The following SPTA1 variants were observed in gnomAD, a reference collection of about 807,000 sequenced individuals.
SPTA1 encodes spectrin alpha chain, erythrocytic 1.
Under a neutral mutation model 324.7 loss-of-function variants are expected in SPTA1, and 177 were observed. The ratio of observed to expected loss-of-function variants is 0.55; its 90% CI spans 0.48 to 0.62. SPTA1 has a LOEUF of 0.62. Ranked by LOEUF, SPTA1 falls within the 20% of genes least tolerant of loss-of-function variation. The probability of loss-of-function intolerance (pLI) is 0.00; values close to 1 mark genes in which losing one functional copy is unlikely to be tolerated. For synonymous variants in SPTA1, 1,195 were observed against 1,041.3 expected, an observed-to-expected ratio of 1.15 and a Z score of -2.84; for missense variants, 3,162 against 2,883.6, an observed-to-expected ratio of 1.10 and a Z score of -2.21.
intron 8 of SPTA1, among the ~76,000 whole-genome samples, chr1:158,675,605 T>A (rs1439848714): frequency 6.6e-6 from 1 of 152,192 alleles, no homozygotes; most frequent in African/African-American, 2.4e-5. Context: ...TGATAGAGTT[T>A]GATTTATAAA....
At chr1:158,645,778 G>A (rs1032910453) in intron 27 of SPTA1, among the ~76,000 whole-genome samples, 184 bp from the exon 28 acceptor site, 1 of 152,114 alleles carries the variant, frequency 6.6e-6, no homozygotes, top group Non-Finnish European at 1.5e-5. Flanking sequence ...ACAATCCCTT[G>A]TATTTGAAAG....
At chr1:158,623,527 C>A (rs1650060476) in intron 42 of SPTA1, among the ~76,000 whole-genome samples, 3 of 152,090 alleles carry the variant, frequency 2.0e-5, no homozygotes, top group Non-Finnish European at 4.4e-5. Flanking sequence ...ATCATGTGGG[C>A]AGTTACTCTC....
At chr1:158,611,594 A>C in intron 51 of SPTA1, 1 of 522,070 alleles carries the variant, frequency 1.9e-6, no homozygotes, top group Non-Finnish European at 3.3e-6. Context: ...TTTCTTGAAA[A>C]AGAGAGCTTA....
At chr1:158,616,579 G>A (rs1241105316) in intron 47 of SPTA1, among the ~76,000 whole-genome samples, 2 of 152,132 alleles carry the variant, frequency 1.3e-5, no homozygotes, top group Non-Finnish European at 2.9e-5. Flanking sequence ...GAAAATGTCA[G>A]AATTTCATTT....
chr1:158,685,354 G>C lies in SPTA1; in HGVS notation c.25-7C>G. The C allele has an allele frequency of 6.2e-7, 1 of 1,612,586 alleles. No homozygotes were observed. The highest frequency in any genetic ancestry group is 8.5e-7 in the Non-Finnish European group (1 of 1,179,708). On this transcript the variant is annotated splice_polypyrimidine_tract_variant and splice_region_variant and intron_variant, in intron 1 of 51. Coordinates refer to ENST00000643759, the MANE Select transcript of SPTA1 (RefSeq NM_003126.4). ...GCCCACTGCTCTCCACAACCTGCAA[G>C]TTAAAAAGATTCTGTTACTTGCTAG... is the stretch of plus-strand genomic sequence containing the variant.
rs1654000820 is a variant in SPTA1, at chr1:158,671,257, G to A, written c.1599+86C>T. The A allele has an allele frequency of 5.4e-6, 5 of 920,498 alleles. No homozygotes were observed. The South Asian group carries it at 6.9e-5, about 13-fold the overall frequency. 57.0% of individuals were successfully genotyped at this position (920,498 alleles called of 1,614,324 possible). ...CCTCAGGCTATGTCTGGTAGTTACA[G>A]GAGCAATGCTGTCTGGGGACAGGTA... On this transcript the variant is annotated intron_variant, in intron 12 of 51. Transcript: ENST00000643759.
At position 158,636,710 on chromosome 1, in the gene SPTA1, C is replaced by G. The variant is rs2101808731; in HGVS notation, c.5241G>C (p.Gly1747=). The part of the protein sequence containing the change: ...SSQDYGRDLQ[G]VQNLLKKHKR... ...TGTGCTTCTTCAGCAAGTTCTGAAC[C>G]CCCTGAAGATCTCTCCCATAGTCCT... Residue 1747 remains glycine (G), a synonymous_variant, in exon 37 of 52, where the codon GGG becomes GGC. Coordinates refer to ENST00000643759, the MANE Select transcript of SPTA1 (RefSeq NM_003126.4). The G allele has an allele frequency of 1.2e-6, 2 of 1,614,120 alleles. No homozygotes were observed. The highest frequency in any genetic ancestry group is 1.7e-6 in the Non-Finnish European group (2 of 1,180,010).
In SPTA1 at chr1:158,645,576, G is replaced by A. The variant is rs1339923632; in HGVS notation, c.3915C>T (p.Ile1305=). The change falls in exon 28 of 52, where the codon ATC becomes ATT. Residue 1305 remains isoleucine, a synonymous_variant. Coordinates refer to ENST00000643759, the MANE Select transcript of SPTA1 (RefSeq NM_003126.4). The part of the protein sequence containing the change: ...LSKARDLQNW[I]SSIGGMVSSQ... ...ATGATACCATGCCACCAATGCTACTGATCCAGTTCTGCAGATCCCTAGATA... is the reference window on the plus strand; with the variant it reads ...ATGATACCATGCCACCAATGCTACTAATCCAGTTCTGCAGATCCCTAGATA... The A allele has an allele frequency of 1.2e-6, 2 of 1,613,816 alleles. No homozygotes were observed. The highest frequency in any genetic ancestry group is 2.7e-5 in the African/African-American group (2 of 74,886).
chr1:158,613,523 C>T (rs1171836480), intron 50 of SPTA1, among the ~76,000 whole-genome samples, 198 bp downstream of exon 50: 1 of 152,078 alleles, frequency 6.6e-6, no homozygotes, highest in East Asian at 1.9e-4. Context: ...AAAGCTAGTC[C>T]TCGAGTTAAA....
rs1437830374 is a variant in SPTA1, at chr1:158,676,147, G to A, written c.1106C>T (p.Thr369Ile). ...ATSRYEKLQA[T>I]YWYHRFSSDF... ...AAGGGGAGGGATTTCCCACCAATAA[G>A]TAGCCTGCAGTTTTTCATATCTGCT... Residue 369 changes from threonine (T) to isoleucine (I), a missense_variant, in exon 8 of 52, where the codon ACT becomes ATT. Transcript: ENST00000643759. 1.2e-6 allele frequency: 2 copies of A among 1,613,452 alleles called. No homozygotes were observed. The highest frequency in any genetic ancestry group is 2.2e-5 in the East Asian group (1 of 44,878).
rs1328256469 is a variant in SPTA1 at position 158,644,272 on chromosome 1, T to C, written c.4319A>G (p.Asp1440Gly). 1 of 1,613,800 alleles carries C rather than the reference T, an allele frequency of 6.2e-7. No individual in the cohort carries two copies. The highest frequency in any genetic ancestry group is 8.5e-7 in the Non-Finnish European group (1 of 1,179,900). The change falls in exon 30 of 52, where the codon GAC becomes GGC. Residue 1440 changes from aspartate to glycine, a missense_variant. Physicochemically the swap from Asp to Gly is moderately conservative, Grantham distance 94 (BLOSUM62 -1). Coordinates refer to ENST00000643759, the MANE Select transcript of SPTA1 (RefSeq NM_003126.4). The part of the protein sequence containing the change: ...EALMKKRDDL[D>G]KAITAQEGKI... The stretch of plus-strand genomic sequence containing the variant: ...TATTACCTGGGCAGTGATTGCTTTG[T>C]CCAAATCGTCCCGTTTCTTCATCAA...
chr1:158,618,747 T>G (rs1649727426), intron 45 of SPTA1, among the ~76,000 whole-genome samples: 1 of 152,210 alleles, frequency 6.6e-6, no homozygotes, highest in African/African-American at 2.4e-5. Context: ...TGCTTCTGGT[T>G]ATGCCAGTAA....
At chr1:158,653,239 A>T (rs759000472) in intron 22 of SPTA1, 35 bp downstream of exon 22, 1 of 1,613,960 alleles carries the variant, frequency 6.2e-7, no homozygotes, top group South Asian at 1.1e-5. Flanking sequence ...ATGTCTGACC[A>T]AATACTGTTC....
intron 12 of SPTA1, among the ~76,000 whole-genome samples, chr1:158,670,089 T>A (rs1653904199): frequency 6.6e-6 from 1 of 152,246 alleles, no homozygotes; most frequent in South Asian, 2.1e-4. Context: ...GCACTACCAA[T>A]GATATAGCCA....
chr1:158,614,788 C>G (rs892811598), intron 48 of SPTA1: 1 of 196,846 alleles, frequency 5.1e-6, no homozygotes, highest in Non-Finnish European at 1.0e-5. Context: ...GCTATTGAGA[C>G]CTAGAGCTGC....
intron 16 of SPTA1, among the ~76,000 whole-genome samples, chr1:158,665,781 T>A (rs1452141635): frequency 4.6e-5 from 7 of 152,198 alleles, no homozygotes. Context: ...ATTTTTAAGC[T>A]TTGAATCACA....
chr1:158,638,333 G>T, intron 35 of SPTA1, 92 bp from the exon 36 acceptor site: 1 of 1,249,528 alleles, frequency 8.0e-7, no homozygotes, highest in Non-Finnish European at 1.1e-6. Context: ...TCAAAGACTG[G>T]GCCAAATGGA....
Position 158,649,904 on chromosome 1 carries a change from T to G in SPTA1, c.3521A>C (p.Glu1174Ala). The G allele has an allele frequency of 1.2e-6, 2 of 1,613,918 alleles. No homozygotes were observed. Among genetic ancestry groups the G allele is most frequent in the Non-Finnish European group, 1.7e-6 (2 of 1,179,902 alleles). ...GGCACTGCCCAGCAGCTGCCGCTGTTCATCTGCAAGCCTCTGCAAAGAACC... is the reference window on the plus strand; with the variant it reads ...GGCACTGCCCAGCAGCTGCCGCTGTGCATCTGCAAGCCTCTGCAAAGAACC... ...RWGSLQRLAD[E>A]QRQLLGSAHA... The change falls in exon 25 of 52, where the codon GAA becomes GCA. Residue 1174 changes from glutamate (E) to alanine (A), a missense_variant. Glu to Ala is a moderately radical substitution (Grantham distance 107). Transcript: ENST00000643759.
At chr1:158,668,133 A>G in intron 14 of SPTA1, 71 bp from the exon 15 acceptor site, 1 of 1,498,298 alleles carries the variant, frequency 6.7e-7, no homozygotes, top group Non-Finnish European at 9.2e-7. Flanking sequence ...TGAGAATAAG[A>G]GGTTACTTCT....
Sources: gnomAD v4.1 joint callset for allele counts (sites outside exome capture counted in the v4.1 genomes callset) on GRCh38, gnomAD v4.1.1 for gene constraint, MANE v1.5 for transcripts, NCBI Gene and HGNC (gene_info 2026-07-23, HGNC 2026-07-21) for gene names.